Variants in RNF216 observed in about 807,000 individuals in gnomAD.
RNF216 encodes ring finger protein 216.
A neutral mutation model predicts 110.8 loss-of-function variants in RNF216; 72 were observed. The observed-to-expected ratio is 0.65, with a 90% CI of 0.54 to 0.79. The LOEUF is 0.79. Ranked by LOEUF, RNF216 falls within the 30% of genes least tolerant of loss-of-function variation. The probability of loss-of-function intolerance (pLI) is 0.00; values close to 1 mark genes in which losing one functional copy is unlikely to be tolerated. For synonymous variants in RNF216, 495 were observed against 407.5 expected, an observed-to-expected ratio of 1.21 and a Z score of -2.59; for missense variants, 1,342 against 1,141.2, an observed-to-expected ratio of 1.18 and a Z score of -2.54.
chr7:5,656,723 T>C (rs1036168442), intron 13 of RNF216, among the ~76,000 whole-genome samples: 2 of 152,218 alleles, frequency 1.3e-5, no homozygotes, highest in African/African-American at 4.8e-5. Context: ...CACTTTGCAA[T>C]ATAAAGAAAG....
At chr7:5,633,438 G>C (rs1057465301) in intron 15 of RNF216, among the ~76,000 whole-genome samples, 2 of 152,090 alleles carry the variant, frequency 1.3e-5, no homozygotes, top group African/African-American at 4.8e-5. Flanking sequence ...AGCTGGGCCT[G>C]GTGGCGTGCA....
intron 1 of RNF216, among the ~76,000 whole-genome samples, chr7:5,770,741 T>C (rs539584047): frequency 2.0e-5 from 3 of 151,452 alleles, no homozygotes; most frequent in South Asian, 4.1e-4. Context: ...TTACACTAAT[T>C]AAGACAATAT....
chr7:5,665,366 T>C (rs1411083461), intron 13 of RNF216, among the ~76,000 whole-genome samples: 2 of 152,064 alleles, frequency 1.3e-5, no homozygotes, highest in Non-Finnish European at 2.9e-5. Flanking sequence ...TTGGGGAAGA[T>C]TTCATGTTGT....
chr7:5,659,512 C>G (rs1385097761), intron 13 of RNF216, among the ~76,000 whole-genome samples: 1 of 152,114 alleles, frequency 6.6e-6, no homozygotes, highest in South Asian at 2.1e-4. Context: ...CATGGTCACC[C>G]AGTAGGACTG....
At chr7:5,771,955 C>T (rs964322556) in intron 1 of RNF216, among the ~76,000 whole-genome samples, 5 of 151,524 alleles carry the variant, frequency 3.3e-5, no homozygotes, top group East Asian at 4.0e-4. Flanking sequence ...CACAAGGGGC[C>T]GGGCGTGGTG....
chr7:5,751,477 A>G (rs1310882856), intron 3 of RNF216, among the ~76,000 whole-genome samples: 1 of 152,106 alleles, frequency 6.6e-6, no homozygotes, highest in African/African-American at 2.4e-5. Context: ...AGTTCATTTG[A>G]TCTTCCTAGA....
rs759507862 is a variant in RNF216, at chr7:5,712,782, G to A, written c.1915C>T (p.Leu639=). The A allele has an allele frequency of 1.9e-6, 3 of 1,614,088 alleles. No individual in the cohort carries two copies. In the South Asian group the frequency reaches 3.3e-5, roughly 18 times the overall value. Residue 639 remains leucine (L), a synonymous_variant, in exon 12 of 17, where the codon CTG becomes TTG. Coordinates refer to ENST00000389902, the MANE Select transcript of RNF216 (RefSeq NM_207111.4). ...GCTTTTCGCTCATAGTACTTATACAGGATGGTCTGGGGGAGCACCTTCTCC... is the reference window on the plus strand; with the variant it reads ...GCTTTTCGCTCATAGTACTTATACAAGATGGTCTGGGGGAGCACCTTCTCC... ...ELEKVLPQTI[L]YKYYERKAEE...
In RNF216 at chr7:5,741,640, T is replaced by C. The variant is rs146477262; in HGVS notation, c.377A>G (p.Asp126Gly). 1.3e-5 allele frequency: 21 copies of C among 1,614,020 alleles called. No homozygotes were observed. Among genetic ancestry groups the C allele is most frequent in the Non-Finnish European group, 1.7e-5 (20 of 1,180,032 alleles). The change falls in exon 4 of 17, where the codon GAT becomes GGT. Residue 126 changes from aspartate (D) to glycine (G), a missense_variant. By Grantham distance (94) the Asp-to-Gly change is moderately conservative. Transcript: ENST00000389902. ...NPLFDSGAQD[D>G]SEDDYGEFLD... is the part of the protein sequence containing the mutation. ...AAATTCACCGTAGTCATCCTCAGAA[T>C]CATCCTGTGCCCCAGAATCAAACAA...
intron 5 of RNF216, among the ~76,000 whole-genome samples, chr7:5,736,121 CT>C (rs1794382215): frequency 2.7e-4 from 2 of 7,392 alleles, no homozygotes; most frequent in Non-Finnish European, 3.9e-3. Context: ...CTCCCTCTCC[CT>C]GTCCCTGTCC....
chr7:5,735,627 C>A (rs888101895), intron 5 of RNF216, among the ~76,000 whole-genome samples: 1 of 152,142 alleles, frequency 6.6e-6, no homozygotes, highest in Admixed American at 6.5e-5. Context: ...CAGAACGCAT[C>A]TCAGAGACAA....
intron 7 of RNF216, among the ~76,000 whole-genome samples, chr7:5,728,988 A>G (rs1170849737): frequency 6.6e-6 from 1 of 152,156 alleles, no homozygotes; most frequent in Non-Finnish European, 1.5e-5. Context: ...CTGCGGGGAG[A>G]ACGCTGGGAG....
At chr7:5,770,720 T>TA in intron 1 of RNF216, among the ~76,000 whole-genome samples, 1 of 151,886 alleles carries the variant, frequency 6.6e-6, no homozygotes, top group East Asian at 1.9e-4. Flanking sequence ...AGATATTGTA[T>TA]TACTATTAAG....
intron 14 of RNF216, chr7:5,649,687 C>G (rs1018526959): frequency 3.3e-5 from 5 of 151,982 alleles, no homozygotes; most frequent in Admixed American, 1.3e-4. Flanking sequence ...TCAAAGACTT[C>G]TAAGATGCAG....
chr7:5,720,337 T>G (rs917759280), intron 9 of RNF216, among the ~76,000 whole-genome samples: 1 of 152,230 alleles, frequency 6.6e-6, no homozygotes, highest in Non-Finnish European at 1.5e-5. Context: ...CACACTTCCA[T>G]TTAATGAATA....
intron 13 of RNF216, among the ~76,000 whole-genome samples, chr7:5,664,324 G>T (rs1456107890): frequency 1.3e-5 from 2 of 152,130 alleles, no homozygotes; most frequent in Non-Finnish European, 2.9e-5. Context: ...TCAGCCTTAA[G>T]GATGAGTTAC....
At chr7:5,763,790 T>A (rs574962195) in intron 1 of RNF216, among the ~76,000 whole-genome samples, 1 of 152,230 alleles carries the variant, frequency 6.6e-6, no homozygotes. Flanking sequence ...CCAGGCTGGT[T>A]TGGATATCCC....
chr7:5,671,749 G>A (rs1377689704), intron 13 of RNF216, among the ~76,000 whole-genome samples: 1 of 140,682 alleles, frequency 7.1e-6, no homozygotes, highest in African/African-American at 2.7e-5. Context: ...AGGTTGCAGT[G>A]AGCCGAGATT....
At chr7:5,724,005 T>TA (rs1381883069) in intron 8 of RNF216, among the ~76,000 whole-genome samples, 1 of 152,098 alleles carries the variant, frequency 6.6e-6, no homozygotes, top group Non-Finnish European at 1.5e-5. Flanking sequence ...GCACCTAAAT[T>TA]AAAGTGCTAT....
At chr7:5,737,923 A>G (rs954795427) in intron 5 of RNF216, among the ~76,000 whole-genome samples, 1 of 152,016 alleles carries the variant, frequency 6.6e-6, no homozygotes, top group African/African-American at 2.4e-5. Flanking sequence ...CCCTGTCTCT[A>G]CTAAAAATAC....
Sources: gnomAD v4.1 joint callset for allele counts (sites outside exome capture counted in the v4.1 genomes callset) on GRCh38, gnomAD v4.1.1 for gene constraint, MANE v1.5 for transcripts, NCBI Gene and HGNC (gene_info 2026-07-23, HGNC 2026-07-21) for gene names.